AP5M1: variants seen among roughly 807,000 people sequenced by gnomAD.
The protein encoded by AP5M1 is AP-5 complex subunit mu-1.
AP5M1 carries 44 observed loss-of-function variants against 52.3 expected under a neutral mutation model. The observed-to-expected ratio is 0.84, with a 90% CI of 0.66 to 1.08. The LOEUF (loss-of-function observed/expected upper bound fraction) is 1.08, where lower values mean the gene tolerates loss of function less well. Ranked by LOEUF, AP5M1 falls within the 50% of genes least tolerant of loss-of-function variation. AP5M1 has a pLI of 0.00. For missense variants in AP5M1, 526 were observed against 568.4 expected (o/e 0.93, Z 0.76); for synonymous variants, 213 against 199.0 (o/e 1.07, Z -0.59).
intron 6 of AP5M1, among the ~76,000 whole-genome samples, chr14:57,284,901 T>C (rs1260094156): frequency 6.6e-6 from 1 of 152,082 alleles, no homozygotes; most frequent in Non-Finnish European, 1.5e-5. Context: ...ATATAGCCCA[T>C]TGTAAATGTT....
At chr14:57,274,098 G>C in intron 1 of AP5M1, 146 bp from the exon 2 acceptor site, 1 of 847,148 alleles carries the variant, frequency 1.2e-6, no homozygotes, top group Non-Finnish European at 1.7e-6. Flanking sequence ...TTGGTTGTTG[G>C]CTTTTGTGGA....
At position 57,280,213 on chromosome 14, in the gene AP5M1, A is replaced by G. The variant is rs1340984158; in HGVS notation, c.739A>G (p.Met247Val). The G allele has an allele frequency of 1.9e-6, 3 of 1,612,960 alleles. No individual in the cohort carries two copies. Among genetic ancestry groups the G allele is most frequent in the South Asian group, 2.2e-5 (2 of 91,056 alleles). The change falls in exon 3 of 8, where the codon ATG becomes GTG. Residue 247 changes from methionine to valine, a missense_variant. This residue lies in a region of AP5M1 where 425 missense variants were observed against 430.6 expected (regional missense o/e 0.99). Coordinates refer to ENST00000261558, the MANE Select transcript of AP5M1 (RefSeq NM_018229.4). ...ATTTCAGTGTGATTTGGAAGGAATC[A>G]TGCCAAATGTTACCATCAGCTTGAG... ...VTCKCDLEGI[M>V]PNVTISLSLP...
chr14:57,289,004 A>T lies in AP5M1; in HGVS notation c.*120A>T. 1 of 597,070 alleles carries T rather than the reference A, an allele frequency of 1.7e-6. No individual in the cohort carries two copies. The highest frequency in any genetic ancestry group is 3.3e-5 in the East Asian group (1 of 30,546). The allele number at this position is 597,070 out of a possible 1,614,324, so 37.0% of individuals were successfully genotyped here. A position where few individuals can be genotyped will look rare whatever the true frequency, so the allele number is the denominator to read the frequency against. ...AAAAATCACTGAATGATTTAATTGT[A>T]AAAGTAGTCTTATGTGGTGTTTGTA... On this transcript the variant is annotated 3_prime_UTR_variant, in exon 8 of 8. Coordinates refer to ENST00000261558, the MANE Select transcript of AP5M1 (RefSeq NM_018229.4).
chr14:57,282,246 A>G lies in AP5M1; in HGVS notation c.1088+18A>G, dbSNP rs929340665. 2.0e-6 allele frequency: 3 copies of G among 1,488,588 alleles called. No homozygotes were observed. Among genetic ancestry groups the G allele is most frequent in the African/African-American group, 2.9e-5 (2 of 68,422 alleles). The allele number at this position is 1,488,588 out of a possible 1,614,324, so 92.2% of individuals were successfully genotyped here. A position where few individuals can be genotyped will look rare whatever the true frequency, so the allele number is the denominator to read the frequency against. ...TACAATAGGTAGGAATAAAATGCATATTGCCATAATTTCTGTCTTCCTTAA... is the reference window on the plus strand; with the variant it reads ...TACAATAGGTAGGAATAAAATGCATGTTGCCATAATTTCTGTCTTCCTTAA... On this transcript the variant is annotated intron_variant, in intron 4 of 7. Coordinates refer to ENST00000261558, the MANE Select transcript of AP5M1 (RefSeq NM_018229.4).
At position 57,296,009 on chromosome 14, in the gene AP5M1, T is replaced by C. The variant is rs943524104; in HGVS notation, c.*7125T>C. ...TGAGAATGAAAAAGCCATTGAACAA[T>C]AGATGTACCAATTTGACCTTTAAAA... On this transcript the variant is annotated 3_prime_UTR_variant, in exon 8 of 8. Coordinates refer to ENST00000261558, the MANE Select transcript of AP5M1 (RefSeq NM_018229.4). 10 of 152,002 alleles carry C rather than the reference T, an allele frequency of 6.6e-5. No individual in the cohort carries two copies. The highest frequency in any genetic ancestry group is 1.7e-4 in the African/African-American group (7 of 41,426). 9.4% of individuals were successfully genotyped at this position (152,002 alleles called of 1,614,324 possible).
At chr14:57,276,072 T>C (rs918500774) in intron 2 of AP5M1, among the ~76,000 whole-genome samples, 2 of 152,188 alleles carry the variant, frequency 1.3e-5, no homozygotes, top group Non-Finnish European at 2.9e-5. Flanking sequence ...CTGTCTTTTT[T>C]TTTTAATCCT....
rs1168678084 is a variant in AP5M1 at position 57,288,879 on chromosome 14, T to C, written c.1468T>C (p.Leu490=). 2.0e-6 allele frequency: 3 copies of C among 1,512,882 alleles called. No homozygotes were observed. Among genetic ancestry groups the C allele is most frequent in the Non-Finnish European group, 2.7e-6 (3 of 1,094,792 alleles). 93.7% of individuals were successfully genotyped at this position (1,512,882 alleles called of 1,614,324 possible). A position where few individuals can be genotyped will look rare whatever the true frequency, so the allele number is the denominator to read the frequency against. Residue 490 remains leucine (L), a synonymous_variant, in exon 8 of 8, where the codon TTG becomes CTG. Coordinates refer to ENST00000261558, the MANE Select transcript of AP5M1 (RefSeq NM_018229.4). ...PAPVTYGSLL[L] ...TCCAGTAACATATGGATCATTATTA[T>C]TGTAATAGTCTCATGTTTAAATGGG... is the stretch of plus-strand genomic sequence containing the variant.
chr14:57,274,374 G>A lies in AP5M1; in HGVS notation c.205G>A (p.Val69Ile), dbSNP rs889278862. 17 of 1,614,088 alleles carry A rather than the reference G, an allele frequency of 1.1e-5. No homozygotes were observed. The highest frequency in any genetic ancestry group is 1.7e-5 in the Admixed American group (1 of 60,024). The change falls in exon 2 of 8, where the codon GTT (valine) becomes ATT (isoleucine). Residue 69 changes from valine to isoleucine, a missense_variant. Physicochemically the swap from Val to Ile is conservative, Grantham distance 29. Coordinates refer to ENST00000261558, the MANE Select transcript of AP5M1 (RefSeq NM_018229.4). Reference protein sequence around the residue: ...LRLLDDDKDFVESRDSCSRIN... With the variant: ...LRLLDDDKDFIESRDSCSRIN... ...ATTATTGGATGATGATAAAGACTTC[G>A]TTGAGAGTCGTGATAGCTGTTCACG...
intron 1 of AP5M1, among the ~76,000 whole-genome samples, chr14:57,270,978 C>T (rs539376802): frequency 1.8e-4 from 28 of 152,336 alleles, no homozygotes; most frequent in African/African-American, 6.7e-4. Flanking sequence ...CTGGCTAATA[C>T]TGTAGCCACT....
Position 57,296,174 on chromosome 14 carries a change from G to T in AP5M1, c.*7290G>T, listed in dbSNP as rs1294360446. 1 of 151,872 alleles carries T rather than the reference G, an allele frequency of 6.6e-6. No homozygotes were observed. The highest frequency in any genetic ancestry group is 6.6e-5 in the Admixed American group (1 of 15,192). 9.4% of individuals were successfully genotyped at this position (151,872 alleles called of 1,614,324 possible). A position where few individuals can be genotyped will look rare whatever the true frequency, so the allele number is the denominator to read the frequency against. The stretch of plus-strand genomic sequence containing the variant: ...GAAATTGAAATATAGTATTTAACAG[G>T]GATTAAAATGTTTTACTTGGTCTCT... On this transcript the variant is annotated 3_prime_UTR_variant, in exon 8 of 8. Coordinates refer to ENST00000261558, the MANE Select transcript of AP5M1 (RefSeq NM_018229.4).
chr14:57,297,782 C>T lies in AP5M1; in HGVS notation c.*8898C>T, dbSNP rs886438382. 6.6e-6 allele frequency: 1 copy of T among 152,044 alleles called. No individual in the cohort carries two copies. The highest frequency in any genetic ancestry group is 6.6e-5 in the Admixed American group (1 of 15,234). The allele number at this position is 152,044 out of a possible 1,614,324, so 9.4% of individuals were successfully genotyped here. ...GCTTAGTGTTGATTTAATGAAGTAGCAAAATGTTAAATACATAACAAAACA... is the reference window on the plus strand; with the variant it reads ...GCTTAGTGTTGATTTAATGAAGTAGTAAAATGTTAAATACATAACAAAACA... On this transcript the variant is annotated 3_prime_UTR_variant, in exon 8 of 8. Transcript: ENST00000261558.
intron 3 of AP5M1, among the ~76,000 whole-genome samples, chr14:57,281,288 A>G (rs1332677961): frequency 1.3e-5 from 2 of 152,054 alleles, no homozygotes; most frequent in East Asian, 1.9e-4. Flanking sequence ...TTGAACCCCA[A>G]TTTTTCAGAC....
rs189899866 is a variant in AP5M1, at chr14:57,296,966, G to C, written c.*8082G>C. The C allele has an allele frequency of 6.6e-6, 1 of 152,136 alleles. No homozygotes were observed. Among genetic ancestry groups the C allele is most frequent in the African/African-American group, 2.4e-5 (1 of 41,518 alleles). 9.4% of individuals were successfully genotyped at this position (152,136 alleles called of 1,614,324 possible). A position where few individuals can be genotyped will look rare whatever the true frequency, so the allele number is the denominator to read the frequency against. ...ATTAGTACAGAAACTGCCCAAAAAG[G>C]TGATGGTTGAAGTTCCCCAGCCAGT... is the stretch of plus-strand genomic sequence containing the variant. On this transcript the variant is annotated 3_prime_UTR_variant, in exon 8 of 8. Coordinates refer to ENST00000261558, the MANE Select transcript of AP5M1 (RefSeq NM_018229.4).
chr14:57,280,393 T>G lies in AP5M1; in HGVS notation c.919T>G (p.Ser307Ala), dbSNP rs1211051166. The G allele has an allele frequency of 6.2e-7, 1 of 1,613,128 alleles. No homozygotes were observed. The stretch of plus-strand genomic sequence containing the variant: ...ATTTCCATTCACTCCACCTTTAGAG[T>G]CATTCAACTTATGCTTCTACACTTC... ...YKFPFTPPLESFNLCFYTSQV... is the reference protein window; with the variant it reads ...YKFPFTPPLEAFNLCFYTSQV... Residue 307 changes from serine (S) to alanine (A), a missense_variant, in exon 3 of 8, where the codon TCA becomes GCA. Ser to Ala is a moderately conservative substitution (Grantham distance 99). This residue lies in a region of AP5M1 where 425 missense variants were observed against 430.6 expected (regional missense o/e 0.99). Coordinates refer to ENST00000261558, the MANE Select transcript of AP5M1 (RefSeq NM_018229.4).
chr14:57,282,262 TCTTC>T (rs1392989477), intron 4 of AP5M1, 34 bp downstream of exon 4: 4 of 1,455,450 alleles, frequency 2.7e-6, no homozygotes, highest in Non-Finnish European at 3.6e-6. Context: ...ATAATTTCTG[TCTTC>T]CTTAATACAT....
chr14:57,274,912 G>T (rs1884988188), intron 2 of AP5M1, 23 bp downstream of exon 2: 4 of 1,611,126 alleles, frequency 2.5e-6, no homozygotes, highest in Middle Eastern at 1.7e-4. Flanking sequence ...TCTGGTACTT[G>T]CTTTATCGTT....
Position 57,292,445 on chromosome 14 carries a change from A to G in AP5M1, c.*3561A>G, listed in dbSNP as rs771591367. 6.6e-5 allele frequency: 10 copies of G among 151,984 alleles called. No homozygotes were observed. The highest frequency in any genetic ancestry group is 4.6e-4 in the Admixed American group (7 of 15,234). 9.4% of individuals were successfully genotyped at this position (151,984 alleles called of 1,614,324 possible). On this transcript the variant is annotated 3_prime_UTR_variant, in exon 8 of 8. Transcript: ENST00000261558. ...TAACCTTTTAAAGCAAGGGCCAAGA[A>G]TGCAATTTATTTTCAGTATTTGAAG...
chr14:57,280,264 C>G lies in AP5M1; in HGVS notation c.790C>G (p.Gln264Glu), dbSNP rs994796244. ...LSLPTNGSPL[Q>E]DILVHPCVTS... is the part of the protein sequence containing the mutation. ...TCTCCCCACCAATGGATCTCCACTT[C>G]AGGATATTCTAGTTCACCCTTGTGT... is the stretch of plus-strand genomic sequence containing the variant. The change falls in exon 3 of 8, where the codon CAG becomes GAG. Residue 264 changes from glutamine to glutamate, a missense_variant. Coordinates refer to ENST00000261558, the MANE Select transcript of AP5M1 (RefSeq NM_018229.4). 3 of 1,613,996 alleles carry G rather than the reference C, an allele frequency of 1.9e-6. No homozygotes were observed. Among genetic ancestry groups the G allele is most frequent in the African/African-American group, 2.7e-5 (2 of 74,934 alleles).
chr14:57,280,312 C>G lies in AP5M1; in HGVS notation c.838C>G (p.Leu280Val). 2 of 1,613,856 alleles carry G rather than the reference C, an allele frequency of 1.2e-6. No individual in the cohort carries two copies. The highest frequency in any genetic ancestry group is 1.7e-6 in the Non-Finnish European group (2 of 1,179,758). The stretch of plus-strand genomic sequence containing the variant: ...TGTAACTTCTCTTGACTCTGCAATT[C>G]TGACTTCTAGTAGTATTGATGCAAT... ...PCVTSLDSAI[L>V]TSSSIDAMDD... The change falls in exon 3 of 8, where the codon CTG becomes GTG. Residue 280 changes from leucine (L) to valine (V), a missense_variant. This residue lies in a region of AP5M1 where 425 missense variants were observed against 430.6 expected (regional missense o/e 0.99). Transcript: ENST00000261558.
Sources: gnomAD v4.1 joint callset for allele counts (sites outside exome capture counted in the v4.1 genomes callset) on GRCh38, gnomAD v4.1.1 for gene constraint, gnomAD v4.1.1 regional missense constraint, MANE v1.5 for transcripts, NCBI Gene and HGNC (gene_info 2026-07-23, HGNC 2026-07-21) for gene names.